Variants in PRELID3B observed in about 807,000 individuals in gnomAD.
PRELID3B encodes PRELI domain containing 3B.
PRELID3B carries 15 observed loss-of-function variants against 24.0 expected under a neutral mutation model. That is an observed-to-expected ratio of 0.63 (90% confidence interval 0.42 to 0.96). PRELID3B has a LOEUF of 0.96. PRELID3B is among the 40% of genes least tolerant of loss of function. The pLI, the probability that PRELID3B is intolerant of heterozygous loss-of-function variation, is 0.00. For synonymous variants in PRELID3B, 62 were observed against 76.0 expected, an observed-to-expected ratio of 0.82 and a Z score of 0.96; for missense variants, 189 against 236.0, an observed-to-expected ratio of 0.80 and a Z score of 1.30.
At chr20:59,042,583 C>T (rs2092118500) in intron 1 of PRELID3B, 116 bp downstream of exon 1, 3 of 1,071,262 alleles carry the variant, frequency 2.8e-6, no homozygotes, top group Admixed American at 2.4e-5. Context: ...CTTCAGAGTT[C>T]GCTCCCCTCG....
intron 5 of PRELID3B, 64 bp downstream of exon 5, chr20:59,036,407 A>G: frequency 8.0e-7 from 1 of 1,251,784 alleles, no homozygotes; most frequent in East Asian, 2.3e-5. Flanking sequence ...ACATGCAGTC[A>G]GCACCCCATT....
intron 2 of PRELID3B, 183 bp downstream of exon 2, chr20:59,038,283 G>A: frequency 2.0e-6 from 1 of 493,356 alleles, no homozygotes; most frequent in Non-Finnish European, 3.4e-6. Flanking sequence ...GTGCCTTCAT[G>A]AAGACTGTAA....
chr20:59,038,872 A>G (rs1427220758), intron 1 of PRELID3B, among the ~76,000 whole-genome samples: 2 of 152,218 alleles, frequency 1.3e-5, no homozygotes, highest in Non-Finnish European at 2.9e-5. Context: ...ATCTATAAAG[A>G]TCAAAGCAGT....
rs1234319952 is a variant in PRELID3B at position 59,036,662 on chromosome 20, T to C, written c.362+28A>G. 5.1e-6 allele frequency: 8 copies of C among 1,581,902 alleles called. No homozygotes were observed. In the East Asian group the frequency reaches 6.7e-5, roughly 13 times the overall value. On this transcript the variant is annotated intron_variant, in intron 4 of 5. Transcript: ENST00000355937. ...AAAAAACCTTAAACACCCTTTACGA[T>C]ACATTTGTTAAAATATTTTTTACTC...
At chr20:59,042,493 G>C (rs1227756613) in intron 1 of PRELID3B, among the ~76,000 whole-genome samples, 2 of 152,322 alleles carry the variant, frequency 1.3e-5, no homozygotes, top group Non-Finnish European at 2.9e-5. Context: ...CCTGGGTCTG[G>C]AGGTCGGAGC....
intron 3 of PRELID3B, 55 bp downstream of exon 3, chr20:59,037,136 G>T: frequency 7.6e-7 from 1 of 1,317,066 alleles, no homozygotes; most frequent in Non-Finnish European, 1.1e-6. Context: ...CTAGGAGAGG[G>T]ACAAAGAACT....
rs1324498069 is a variant in PRELID3B at position 59,037,245 on chromosome 20, T to C, written c.237A>G (p.Gln79=). Residue 79 remains glutamine (Q), a synonymous_variant, in exon 3 of 6, where the codon CAA becomes CAG. Transcript: ENST00000355937. ...IGAARTKTYV[Q]EHSVVDPVEK... is the part of the protein sequence containing the mutation. Reference sequence around the variant, plus strand: ...CTACAGGATCAACTACAGAATGTTCTTGCACATATGTTTTCGTTCTTGCTG... The same window carrying C: ...CTACAGGATCAACTACAGAATGTTCCTGCACATATGTTTTCGTTCTTGCTG... 1 of 1,613,932 alleles carries C rather than the reference T, an allele frequency of 6.2e-7. No individual in the cohort carries two copies. Among genetic ancestry groups the C allele is most frequent in the Non-Finnish European group, 8.5e-7 (1 of 1,179,922 alleles).
At chr20:59,036,359 C>T in intron 5 of PRELID3B, 112 bp downstream of exon 5, 3 of 784,476 alleles carry the variant, frequency 3.8e-6, no homozygotes, top group Non-Finnish European at 4.3e-6. Context: ...CTGCAGTTTC[C>T]TATGGTAGAA....
chr20:59,042,571 G>T (rs2092118414), intron 1 of PRELID3B, 128 bp downstream of exon 1: 1 of 907,506 alleles, frequency 1.1e-6, no homozygotes, highest in Non-Finnish European at 1.6e-6. Context: ...GGGGCCCGCA[G>T]GCTTCAGAGT....
intron 1 of PRELID3B, among the ~76,000 whole-genome samples, chr20:59,042,441 C>T (rs1437409550): frequency 6.6e-6 from 1 of 152,186 alleles, no homozygotes; most frequent in African/African-American, 2.4e-5. Context: ...TGGTGGGGGA[C>T]AGCCCGGAAG....
rs376122517 is a variant in PRELID3B at position 59,033,647 on chromosome 20, T to C, written c.*1360A>G. The C allele has an allele frequency of 2.6e-5, 4 of 152,352 alleles. No homozygotes were observed. The highest frequency in any genetic ancestry group is 3.9e-4 in the East Asian group (2 of 5,190). The allele number at this position is 152,352 out of a possible 1,614,324, so 9.4% of individuals were successfully genotyped here. On this transcript the variant is annotated 3_prime_UTR_variant, in exon 6 of 6. Transcript: ENST00000355937. ...TGTGTTATACTATTTCTGTGGTTTA[T>C]GTACATATATTAACTGGTCTCTTGG...
At chr20:59,035,238 G>A (rs887661232) in intron 5 of PRELID3B, 112 bp from the exon 6 acceptor site, 19 of 953,178 alleles carry the variant, frequency 2.0e-5, no homozygotes, top group Non-Finnish European at 2.7e-5. Context: ...CTCAATCTCA[G>A]GATGACAGAT....
At chr20:59,036,140 C>T (rs1005310778) in intron 5 of PRELID3B, among the ~76,000 whole-genome samples, 2 of 152,154 alleles carry the variant, frequency 1.3e-5, no homozygotes, top group African/African-American at 2.4e-5. Context: ...TACACATCAT[C>T]GAGCACTTCC....
rs1275528561 is a variant in PRELID3B, at chr20:59,042,747, G to A, written c.-17C>T. 6.3e-7 allele frequency: 1 copy of A among 1,599,704 alleles called. No individual in the cohort carries two copies. The highest frequency in any genetic ancestry group is 1.1e-5 in the South Asian group (1 of 88,366). ...GATCTTCATGGTGCCGGCACCCTGA[G>A]AGATGTCCGGGTAGCGCCAGGGGAC... On this transcript the variant is annotated 5_prime_UTR_variant, in exon 1 of 6. Transcript: ENST00000355937.
intron 1 of PRELID3B, among the ~76,000 whole-genome samples, chr20:59,041,320 A>C (rs923770165): frequency 5.9e-5 from 9 of 152,190 alleles, no homozygotes; most frequent in African/African-American, 2.2e-4. Context: ...GTAGGGGGAA[A>C]AGAAAGCTTC....
chr20:59,041,689 C>A (rs909542911), intron 1 of PRELID3B, among the ~76,000 whole-genome samples: 7 of 152,136 alleles, frequency 4.6e-5, no homozygotes, highest in Non-Finnish European at 7.4e-5. Context: ...GAGCCAAGAA[C>A]ACGCCACTAC....
chr20:59,035,631 C>T (rs1219826800), intron 5 of PRELID3B, among the ~76,000 whole-genome samples: 1 of 152,188 alleles, frequency 6.6e-6, no homozygotes, highest in Non-Finnish European at 1.5e-5. Flanking sequence ...GAATACCCCT[C>T]GCAATCCACC....
chr20:59,038,601 C>T lies in PRELID3B; in HGVS notation c.66G>A (p.Met22Ile). The change falls in exon 2 of 6, where the codon ATG becomes ATA. Residue 22 changes from methionine to isoleucine, a missense_variant. By Grantham distance (10) the Met-to-Ile change is conservative (BLOSUM62 1). Transcript: ENST00000355937. ...HPWETVTTAA[M>I]QKYPNPMNPS... Reference sequence around the variant, plus strand: ...GGTTCATAGGGTTTGGGTATTTCTGCATTGCAGCTGTTGTAACAGTTTCCC... The same window carrying T: ...GGTTCATAGGGTTTGGGTATTTCTGTATTGCAGCTGTTGTAACAGTTTCCC... The T allele has an allele frequency of 1.2e-6, 2 of 1,609,052 alleles. No homozygotes were observed.
intron 5 of PRELID3B, 23 bp from the exon 6 acceptor site, chr20:59,035,149 T>G (rs1342734143): frequency 6.3e-7 from 1 of 1,596,138 alleles, no homozygotes; most frequent in Non-Finnish European, 8.5e-7. Flanking sequence ...CCAATACATT[T>G]ATTGTTACTG....
Sources: gnomAD v4.1 joint callset for allele counts (sites outside exome capture counted in the v4.1 genomes callset) on GRCh38, gnomAD v4.1.1 for gene constraint, MANE v1.5 for transcripts, NCBI Gene and HGNC (gene_info 2026-07-23, HGNC 2026-07-21) for gene names.